The following SCN10A variants were observed in gnomAD, a reference collection of about 807,000 sequenced individuals.
SCN10A encodes the protein sodium channel protein type 10 subunit alpha.
A neutral mutation model predicts 170.7 loss-of-function variants in SCN10A; 162 were observed. The observed-to-expected ratio is 0.95, with a 90% CI of 0.84 to 1.08. SCN10A has a LOEUF of 1.08. SCN10A is among the 50% of genes least tolerant of loss of function. SCN10A has a pLI of 0.00. For missense variants in SCN10A, 2,527 were observed against 2,436.9 expected, an observed-to-expected ratio of 1.04 and a Z score of -0.78; for synonymous variants, 985 against 904.6, an observed-to-expected ratio of 1.09 and a Z score of -1.59.
intron 4 of SCN10A, among the ~76,000 whole-genome samples, chr3:38,772,322 G>T: frequency 7.5e-6 from 1 of 133,886 alleles, no homozygotes; most frequent in Non-Finnish European, 1.6e-5. Flanking sequence ...CCAAACAACT[G>T]AAAAAAAAAA....
intron 4 of SCN10A, among the ~76,000 whole-genome samples, chr3:38,778,737 C>A (rs2064104070): frequency 6.6e-6 from 1 of 152,050 alleles, no homozygotes; most frequent in Middle Eastern, 3.2e-3. Context: ...CATTTATTAT[C>A]TTCCTCTGGG....
intron 8 of SCN10A, among the ~76,000 whole-genome samples, chr3:38,759,091 C>T (rs917275121): frequency 6.6e-6 from 1 of 152,120 alleles, no homozygotes; most frequent in Non-Finnish European, 1.5e-5. Context: ...TCCTCAGCTC[C>T]AACTGAGATA....
intron 4 of SCN10A, among the ~76,000 whole-genome samples, chr3:38,788,325 T>G (rs1436200986): frequency 6.6e-6 from 1 of 151,602 alleles, no homozygotes; most frequent in Non-Finnish European, 1.5e-5. Flanking sequence ...GATGTGTGGA[T>G]ATGGAATGTT....
chr3:38,757,274 T>A, intron 8 of SCN10A, 115 bp from the exon 9 acceptor site: 1 of 1,016,036 alleles, frequency 9.8e-7, no homozygotes. Flanking sequence ...CTAGTCTTCC[T>A]CTTATTAGCA....
intron 4 of SCN10A, among the ~76,000 whole-genome samples, chr3:38,786,887 A>G (rs1238399033): frequency 6.6e-6 from 1 of 152,138 alleles, no homozygotes; most frequent in African/African-American, 2.4e-5. Flanking sequence ...GACCAATCTT[A>G]CACCAATGGC....
chr3:38,809,110 T>G (rs965782324), intron 1 of SCN10A, among the ~76,000 whole-genome samples: 2 of 152,214 alleles, frequency 1.3e-5, no homozygotes, highest in African/African-American at 4.8e-5. Context: ...AAACTAAGAC[T>G]TTGTCATATT....
At chr3:38,714,643 A>C (rs979005313) in intron 21 of SCN10A, among the ~76,000 whole-genome samples, 13 of 152,178 alleles carry the variant, frequency 8.5e-5, no homozygotes, top group Non-Finnish European at 1.6e-4. Context: ...AAAATGAAAA[A>C]GTCAGACTAA....
chr3:38,699,995 T>C (rs564642885), intron 27 of SCN10A, among the ~76,000 whole-genome samples: 2 of 152,322 alleles, frequency 1.3e-5, no homozygotes, highest in South Asian at 4.1e-4. Flanking sequence ...ATCCCCATCA[T>C]AGAACTAAGT....
At position 38,752,298 on chromosome 3, in the gene SCN10A, T is replaced by C. The variant is rs751076013; in HGVS notation, c.1676A>G (p.Asn559Ser). The change falls in exon 12 of 28, where the codon AAC becomes AGC. Residue 559 changes from asparagine (N) to serine (S), a missense_variant. Asn to Ser is a conservative substitution (Grantham distance 46, BLOSUM62 1). Coordinates refer to ENST00000449082, the MANE Select transcript of SCN10A (RefSeq NM_006514.4). ...LPRSPLPQPSNPDSRHGEDEH... is the reference protein window; with the variant it reads ...LPRSPLPQPSSPDSRHGEDEH... ...ATCTTCTCCATGCCTGGAGTCAGGGTTGCTGGGTTGAGGAAGAGGGCTTCT... is the reference window on the plus strand; with the variant it reads ...ATCTTCTCCATGCCTGGAGTCAGGGCTGCTGGGTTGAGGAAGAGGGCTTCT... The C allele has an allele frequency of 1.9e-5, 31 of 1,607,416 alleles. No homozygotes were observed. Among genetic ancestry groups the C allele is most frequent in the Non-Finnish European group, 2.6e-5 (31 of 1,177,098 alleles).
chr3:38,802,745 A>G (rs2064380360), intron 1 of SCN10A, among the ~76,000 whole-genome samples: 1 of 152,206 alleles, frequency 6.6e-6, no homozygotes. Flanking sequence ...ATGGGCAAGG[A>G]CTTCATGTCT....
intron 5 of SCN10A, among the ~76,000 whole-genome samples, chr3:38,765,387 T>C (rs937963008): frequency 6.6e-6 from 1 of 152,246 alleles, no homozygotes; most frequent in Non-Finnish European, 1.5e-5. Context: ...TTGATTTTTG[T>C]ATAAGGTGAG....
intron 15 of SCN10A, among the ~76,000 whole-genome samples, chr3:38,729,838 T>G (rs2063496810): frequency 6.6e-6 from 1 of 152,208 alleles, no homozygotes; most frequent in Admixed American, 6.5e-5. Context: ...ACAGTGTAGC[T>G]ACAATTTTAT....
chr3:38,697,379 G>C lies in SCN10A; in HGVS notation c.5841C>G (p.Thr1947=). Residue 1947 remains threonine, a synonymous_variant, in exon 28 of 28, where the codon ACC becomes ACG. Transcript: ENST00000449082. The stretch of plus-strand genomic sequence containing the variant: ...GCCCAGGGGCAATCAGCTCCATACT[G>C]GTGGCTTCATCTTCATTTTGTATTG... ...SSSIQNEDEA[T]SMELIAPGP is the part of the protein sequence containing the mutation. The C allele has an allele frequency of 6.2e-7, 1 of 1,614,108 alleles. No homozygotes were observed. Among genetic ancestry groups the C allele is most frequent in the South Asian group, 1.1e-5 (1 of 91,074 alleles).
At chr3:38,787,863 G>C (rs1417265389) in intron 4 of SCN10A, among the ~76,000 whole-genome samples, 1 of 132,938 alleles carries the variant, frequency 7.5e-6, no homozygotes, top group Non-Finnish European at 1.5e-5. Flanking sequence ...TCCCCTCCCT[G>C]TGTCCATGTG....
In SCN10A at chr3:38,763,833, C is replaced by T. The variant is rs536474508; in HGVS notation, c.600-237G>A. 3.9e-5 allele frequency among the ~76,000 whole-genome samples: 6 copies of T among 152,286 alleles called. No homozygotes were observed. In the South Asian group the frequency reaches 1.0e-3, roughly 26 times the overall value. On this transcript the variant is annotated intron_variant, in intron 5 of 27. Transcript: ENST00000449082. ...TGATCTAGGCAACACTGCATGTGGA[C>T]GGATCTTCAAACACAGGAGTTTGAC...
chr3:38,810,360 G>A (rs773725849), intron 1 of SCN10A, among the ~76,000 whole-genome samples: 8 of 152,136 alleles, frequency 5.3e-5, no homozygotes, highest in East Asian at 1.9e-4. Flanking sequence ...CAAAGGATAC[G>A]CAGGAAATTC....
intron 15 of SCN10A, among the ~76,000 whole-genome samples, chr3:38,730,335 T>A (rs1367293714): frequency 6.6e-6 from 1 of 152,202 alleles, no homozygotes; most frequent in Non-Finnish European, 1.5e-5. Context: ...ACCTAGGTAT[T>A]TTAAGTTGAG....
At chr3:38,707,237 A>T (rs1480049070) in intron 26 of SCN10A, 42 bp downstream of exon 26, 3 of 1,595,006 alleles carry the variant, frequency 1.9e-6, no homozygotes, top group Non-Finnish European at 2.6e-6. Flanking sequence ...GTCATGTTGG[A>T]TTCACAGACA....
At chr3:38,704,407 C>T (rs1041558265) in intron 26 of SCN10A, among the ~76,000 whole-genome samples, 2 of 152,188 alleles carry the variant, frequency 1.3e-5, no homozygotes, top group Non-Finnish European at 2.9e-5. Context: ...GAGCAGGCAA[C>T]GGCATCGTTA....
Sources: gnomAD v4.1 joint callset for allele counts (sites outside exome capture counted in the v4.1 genomes callset) on GRCh38, gnomAD v4.1.1 for gene constraint, MANE v1.5 for transcripts, NCBI Gene and HGNC (gene_info 2026-07-23, HGNC 2026-07-21) for gene names.